Variants in LRRFIP2 observed in about 807,000 individuals in gnomAD.
LRRFIP2 encodes leucine-rich repeat flightless-interacting protein 2.
LRRFIP2 carries 109 observed loss-of-function variants against 125.9 expected under a neutral mutation model. That is an observed-to-expected ratio of 0.87 (90% confidence interval 0.74 to 1.01). LRRFIP2 has a LOEUF of 1.01. LRRFIP2 is among the 50% of genes least tolerant of loss of function. The pLI, the probability that LRRFIP2 is intolerant of heterozygous loss-of-function variation, is 0.00. For synonymous variants in LRRFIP2, 291 were observed against 293.1 expected, an observed-to-expected ratio of 0.99 and a Z score of 0.07; for missense variants, 850 against 862.3, an observed-to-expected ratio of 0.99 and a Z score of 0.18.
At chr3:37,150,236 G>A (rs2095982926) in intron 1 of LRRFIP2, among the ~76,000 whole-genome samples, 1 of 152,138 alleles carries the variant, frequency 6.6e-6, no homozygotes, top group Non-Finnish European at 1.5e-5. Context: ...GCCAAAGCAG[G>A]TGGATCACCT....
At chr3:37,071,594 G>A (rs562977797) in intron 21 of LRRFIP2, among the ~76,000 whole-genome samples, 1 of 152,164 alleles carries the variant, frequency 6.6e-6, no homozygotes, top group Non-Finnish European at 1.5e-5. Flanking sequence ...GCTGACTACT[G>A]GTTGGGCTTC....
intron 2 of LRRFIP2, among the ~76,000 whole-genome samples, chr3:37,132,966 G>A (rs1373724816): frequency 1.3e-5 from 2 of 152,214 alleles, no homozygotes; most frequent in African/African-American, 4.8e-5. Flanking sequence ...GCTCACGCCT[G>A]TAATCTCAGC....
chr3:37,112,394 C>T (rs2149449153), intron 8 of LRRFIP2, among the ~76,000 whole-genome samples: 1 of 150,924 alleles, frequency 6.6e-6, no homozygotes, highest in South Asian at 2.1e-4. Flanking sequence ...TGTTGTTTCA[C>T]AAAGTGACTA....
At chr3:37,070,501 C>T (rs964914580) in intron 21 of LRRFIP2, among the ~76,000 whole-genome samples, 4 of 151,170 alleles carry the variant, frequency 2.6e-5, no homozygotes, top group Non-Finnish European at 4.4e-5. Context: ...TTTGGAAGGC[C>T]GAGGTGGGTG....
At chr3:37,096,410 A>T (rs562502553) in intron 16 of LRRFIP2, among the ~76,000 whole-genome samples, 1 of 152,344 alleles carries the variant, frequency 6.6e-6, no homozygotes. Context: ...GTGACATTCA[A>T]GGAAATAAAA....
chr3:37,088,435 G>C (rs2093219371), intron 18 of LRRFIP2, among the ~76,000 whole-genome samples: 1 of 150,426 alleles, frequency 6.6e-6, no homozygotes, highest in Non-Finnish European at 1.5e-5. Context: ...CCAGCACTTT[G>C]GGAGGCAGAG....
At chr3:37,176,093 G>A (rs1305535485), upstream of LRRFIP2, 1 of 152,376 alleles carries the variant, frequency 6.6e-6, no homozygotes, top group East Asian at 1.9e-4. Flanking sequence ...CTGCGTCGCT[G>A]TCCGGGAAGG....
rs781594912 is a variant in LRRFIP2 at position 37,060,866 on chromosome 3, T to A, written c.1750-1956A>T. Among the ~76,000 whole-genome samples the A allele has an allele frequency of 1.5e-3, 228 of 152,330 alleles. 3 individuals are homozygous for A. The highest frequency in any genetic ancestry group is 3.4e-4 in the Non-Finnish European group (23 of 68,018). On this transcript the variant is annotated intron_variant, in intron 24 of 27. Transcript: ENST00000336686. The surrounding 1 kb of genome is among the most constrained non-coding windows in gnomAD (Gnocchi z 4.1). Reference sequence around the variant, plus strand: ...TTGGCAATTTCAATGTACATCTAAGTAGAGGATCTCCCTTACAAATGATCT... The same window carrying A: ...TTGGCAATTTCAATGTACATCTAAGAAGAGGATCTCCCTTACAAATGATCT...
rs1346276601 is a variant in LRRFIP2, at chr3:37,065,838, G to C, written c.1671C>G (p.Val557=). The C allele has an allele frequency of 6.2e-7, 1 of 1,614,124 alleles. No individual in the cohort carries two copies. The highest frequency in any genetic ancestry group is 8.5e-7 in the Non-Finnish European group (1 of 1,180,002). ...ITVVSQEAAQ[V]LESAGEGPLD... is the part of the protein sequence containing the mutation. ...ATGGCCCTTCTCCTGCTGACTCCAA[G>C]ACCTGAGCAGCTTCCTGAGACACAA... Residue 557 remains valine (V), a synonymous_variant, in exon 23 of 28, where the codon GTC becomes GTG. Transcript: ENST00000336686.
At chr3:37,105,304 T>G (rs995539167) in intron 14 of LRRFIP2, 151 bp downstream of exon 14, 2 of 655,706 alleles carry the variant, frequency 3.1e-6, no homozygotes, top group Non-Finnish European at 5.3e-6. Flanking sequence ...GTTCTCAACA[T>G]GTTTTATAAG....
At chr3:37,172,477 G>A (rs554348042) in intron 1 of LRRFIP2, among the ~76,000 whole-genome samples, 47 of 152,276 alleles carry the variant, frequency 3.1e-4, no homozygotes, top group Non-Finnish European at 4.1e-4. Context: ...TTGGGGGGTT[G>A]GGGTAAGGAA....
intron 1 of LRRFIP2, among the ~76,000 whole-genome samples, chr3:37,172,170 T>C (rs2096594540): frequency 6.6e-6 from 1 of 152,226 alleles, no homozygotes. Flanking sequence ...CAGTCACACT[T>C]TGAAAATACA....
At chr3:37,102,062 C>T (rs1433245263) in intron 15 of LRRFIP2, among the ~76,000 whole-genome samples, 8 of 152,158 alleles carry the variant, frequency 5.3e-5, no homozygotes, top group Non-Finnish European at 1.0e-4. Context: ...TTTCATTATT[C>T]AACTTTCTAA....
chr3:37,144,574 A>AAAAAC (rs1271259427), intron 2 of LRRFIP2, among the ~76,000 whole-genome samples: 1 of 152,170 alleles, frequency 6.6e-6, no homozygotes, highest in Non-Finnish European at 1.5e-5. Flanking sequence ...ACCTCATCTC[A>AAAAAC]AAAACAAAAC....
intron 18 of LRRFIP2, 75 bp downstream of exon 18, chr3:37,091,392 C>G: frequency 8.2e-7 from 1 of 1,216,042 alleles, no homozygotes; most frequent in South Asian, 1.5e-5. Flanking sequence ...AGTTGGTTAA[C>G]AGAACTTGCA....
chr3:37,137,308 T>C (rs971933821), intron 2 of LRRFIP2, among the ~76,000 whole-genome samples: 1 of 151,970 alleles, frequency 6.6e-6, no homozygotes, highest in East Asian at 1.9e-4. Flanking sequence ...AAATAACCCA[T>C]TGAAGTACAG....
At position 37,094,898 on chromosome 3, in the gene LRRFIP2, C is replaced by T. The variant is rs772292695; in HGVS notation, c.929G>A (p.Arg310Gln). 8 of 1,604,646 alleles carry T rather than the reference C, an allele frequency of 5.0e-6. No individual in the cohort carries two copies. The highest frequency in any genetic ancestry group is 1.3e-5 in the African/African-American group (1 of 74,830). The change falls in exon 17 of 28, where the codon CGA becomes CAA. Residue 310 changes from arginine to glutamine, a missense_variant. By Grantham distance (43) the Arg-to-Gln change is conservative. Transcript: ENST00000336686. The part of the protein sequence containing the change: ...YAENYTRPSS[R>Q]NSASATTPLS... The stretch of plus-strand genomic sequence containing the variant: ...AGGGGTTGTTGCTGAGGCAGAATTT[C>T]GAGATGAAGGCTAGAAAGAGAAATA...
At position 37,128,848 on chromosome 3, in the gene LRRFIP2, A is replaced by C. The variant is rs115702659; in HGVS notation, c.177+215T>G. The stretch of plus-strand genomic sequence containing the variant: ...CTCATAATACTAGTAACTTATAACA[A>C]TGGACACGATAATAGCTATAAATGT... On this transcript the variant is annotated intron_variant, in intron 3 of 27. Coordinates refer to ENST00000336686, the MANE Select transcript of LRRFIP2 (RefSeq NM_006309.4). 3.2e-3 allele frequency among the ~76,000 whole-genome samples: 491 copies of C among 152,340 alleles called. 4 individuals are homozygous for C. The highest frequency in any genetic ancestry group is 0.011 in the African/African-American group (463 of 41,578).
At chr3:37,062,558 A>C (rs1473896332) in intron 24 of LRRFIP2, among the ~76,000 whole-genome samples, 8 of 152,234 alleles carry the variant, frequency 5.3e-5, no homozygotes, top group Admixed American at 5.2e-4. Flanking sequence ...AGAGAAAGAG[A>C]ATAGGATACA....
Sources: allele counts gnomAD v4.1 joint callset (sites outside exome capture counted in the v4.1 genomes callset), GRCh38; gene constraint gnomAD v4.1.1; non-coding constraint Gnocchi (gnomAD v3.1); transcripts MANE v1.5; gene names NCBI Gene and HGNC (gene_info 2026-07-23, HGNC 2026-07-21).